The following CRADD variants were observed in gnomAD, a reference collection of about 807,000 sequenced individuals.
The protein encoded by CRADD is CARD and death domain containing adaptor protein, also known as death domain-containing protein CRADD.
Under a neutral mutation model 15.5 loss-of-function variants are expected in CRADD, and 9 were observed. The observed-to-expected ratio is 0.58, with a 90% CI of 0.35 to 1.01. CRADD has a LOEUF of 1.01. CRADD is among the 50% of genes least tolerant of loss of function. CRADD has a pLI of 0.02. For missense variants in CRADD, 227 were observed against 250.3 expected (o/e 0.91, Z 0.63); for synonymous variants, 118 against 107.6 (o/e 1.10, Z -0.60).
rs573972403 is a variant in CRADD at position 93,880,741 on chromosome 12, T to C, written c.299-13309T>C. ...GAGATCAGTCAGATAGGTGGATTTC[T>C]TCAGGTCTTCTTTGGAACCCAAAAG... is the stretch of plus-strand genomic sequence containing the variant. On this transcript the variant is annotated intron_variant, in intron 2 of 2. Transcript: ENST00000548483. Among the ~76,000 whole-genome samples the C allele has an allele frequency of 1.9e-4, 29 of 152,358 alleles. No individual in the cohort carries two copies. The South Asian group carries it at 5.8e-3, about 30-fold the overall frequency.
chr12:93,888,497 T>C (rs1181807014), intron 2 of CRADD, among the ~76,000 whole-genome samples: 5 of 151,892 alleles, frequency 3.3e-5, no homozygotes, highest in African/African-American at 1.2e-4. Flanking sequence ...GTGAAAGCAT[T>C]AGGGCTTTAT....
intron 2 of CRADD, among the ~76,000 whole-genome samples, chr12:93,839,219 A>G (rs562374470): frequency 9.7e-4 from 148 of 152,254 alleles, no homozygotes; most frequent in African/African-American, 3.4e-3. Flanking sequence ...TCCCCCAGCA[A>G]TGAGCTTTTA....
intron 2 of CRADD, among the ~76,000 whole-genome samples, chr12:93,785,987 T>C (rs1046579310): frequency 1.3e-5 from 2 of 152,182 alleles, no homozygotes; most frequent in Non-Finnish European, 2.9e-5. Flanking sequence ...TAGGTTTGGT[T>C]TTTCCTTTAA....
At chr12:93,774,575 A>G (rs1353387219) in intron 2 of CRADD, among the ~76,000 whole-genome samples, 3 of 152,150 alleles carry the variant, frequency 2.0e-5, no homozygotes, top group Non-Finnish European at 4.4e-5. Context: ...GAGGGGGGTT[A>G]AGGATGTTAT....
chr12:93,841,556 C>T (rs1399115699), intron 2 of CRADD, among the ~76,000 whole-genome samples: 2 of 152,170 alleles, frequency 1.3e-5, no homozygotes, highest in East Asian at 1.9e-4. Context: ...GTATTTCATA[C>T]TTTGGTCTGT....
intron 2 of CRADD, among the ~76,000 whole-genome samples, chr12:93,873,767 G>C (rs2137068115): frequency 6.6e-6 from 1 of 152,176 alleles, no homozygotes; most frequent in East Asian, 1.9e-4. Flanking sequence ...AATCCCATTT[G>C]ATCGTGATGA....
intron 2 of CRADD, among the ~76,000 whole-genome samples, chr12:93,809,235 A>G (rs753988277): frequency 1.3e-5 from 2 of 152,220 alleles, no homozygotes; most frequent in African/African-American, 4.8e-5. Context: ...TTCTATTCAT[A>G]ATATATTCAT....
At chr12:93,704,340 G>A (rs1405787478) in intron 2 of CRADD, among the ~76,000 whole-genome samples, 5 of 152,130 alleles carry the variant, frequency 3.3e-5, no homozygotes, top group African/African-American at 9.7e-5. Flanking sequence ...TGAGCTAAAT[G>A]AAACAAATCT....
At chr12:93,698,246 C>G (rs2136829135) in intron 2 of CRADD, among the ~76,000 whole-genome samples, 1 of 152,194 alleles carries the variant, frequency 6.6e-6, no homozygotes, top group East Asian at 1.9e-4. Flanking sequence ...GTTTCAGAAG[C>G]CCACTCTTTG....
intron 2 of CRADD, among the ~76,000 whole-genome samples, chr12:93,748,990 A>ATTACCACCTGGCTGGTG (rs1956800939): frequency 6.6e-6 from 1 of 152,216 alleles, no homozygotes; most frequent in South Asian, 2.1e-4. Flanking sequence ...GTGGTACTAT[A>ATTACCACCTGGCTGGTG]GCTCTTCATA....
intron 2 of CRADD, among the ~76,000 whole-genome samples, chr12:93,801,297 A>G (rs1957474096): frequency 6.6e-6 from 1 of 152,194 alleles, no homozygotes; most frequent in Non-Finnish European, 1.5e-5. Context: ...CCTAATTCCT[A>G]CATTCTTCTG....
chr12:93,710,790 A>G (rs954187617), intron 2 of CRADD, among the ~76,000 whole-genome samples: 9 of 152,178 alleles, frequency 5.9e-5, no homozygotes, highest in African/African-American at 1.9e-4. Flanking sequence ...TGGGATGCGC[A>G]GACAGGGATA....
At chr12:93,689,614 C>G (rs1443567132) in intron 2 of CRADD, among the ~76,000 whole-genome samples, 1 of 152,180 alleles carries the variant, frequency 6.6e-6, no homozygotes, top group African/African-American at 2.4e-5. Context: ...GCCAAGTTGA[C>G]AATTCCTGGA....
At chr12:93,784,244 T>G (rs1340428721) in intron 2 of CRADD, among the ~76,000 whole-genome samples, 1 of 152,190 alleles carries the variant, frequency 6.6e-6, no homozygotes, top group South Asian at 2.1e-4. Context: ...TCAGGGCATG[T>G]CAGTGAGGGC....
intron 2 of CRADD, among the ~76,000 whole-genome samples, chr12:93,748,152 G>A (rs1382124746): frequency 1.3e-5 from 2 of 152,308 alleles, no homozygotes; most frequent in African/African-American, 4.8e-5. Context: ...CACAGAATGC[G>A]AGTTCAGTAG....
intron 2 of CRADD, among the ~76,000 whole-genome samples, chr12:93,805,933 C>G (rs531985088): frequency 2.0e-5 from 3 of 152,244 alleles, no homozygotes; most frequent in East Asian, 3.9e-4. Flanking sequence ...TACAGCAAGT[C>G]CCTGAAGGGG....
intron 2 of CRADD, among the ~76,000 whole-genome samples, chr12:93,840,171 C>T (rs1958030454): frequency 6.6e-6 from 1 of 152,178 alleles, no homozygotes. Flanking sequence ...GAATTGGCAT[C>T]TTTATATTAT....
chr12:93,886,986 A>C (rs1304929608), intron 2 of CRADD, among the ~76,000 whole-genome samples: 1 of 152,252 alleles, frequency 6.6e-6, no homozygotes. Flanking sequence ...GCAGAAGAGA[A>C]AGCTGAAGTT....
At chr12:93,735,114 C>T (rs1956542848) in intron 2 of CRADD, among the ~76,000 whole-genome samples, 1 of 152,156 alleles carries the variant, frequency 6.6e-6, no homozygotes, top group African/African-American at 2.4e-5. Context: ...TAGCACTGGG[C>T]CTCCTGTAGG....
Sources: gnomAD v4.1 joint callset for allele counts (sites outside exome capture counted in the v4.1 genomes callset) on GRCh38, gnomAD v4.1.1 for gene constraint, MANE v1.5 for transcripts, NCBI Gene and HGNC (gene_info 2026-07-23, HGNC 2026-07-21) for gene names.